GTPBP4: variants seen among roughly 807,000 people sequenced by gnomAD.
GTPBP4 encodes the protein GTP binding protein 4.
A neutral mutation model predicts 81.7 loss-of-function variants in GTPBP4; 15 were observed. The ratio of observed to expected loss-of-function variants is 0.18; its 90% CI spans 0.12 to 0.28. The LOEUF is 0.28. Among genes scored for constraint, GTPBP4 ranks in the 10% least tolerant of loss-of-function variants. The pLI, the probability that GTPBP4 is intolerant of heterozygous loss-of-function variation, is 1.00. For synonymous variants in GTPBP4, 272 were observed against 274.6 expected, an observed-to-expected ratio of 0.99 and a Z score of 0.09; for missense variants, 847 against 793.8, an observed-to-expected ratio of 1.07 and a Z score of -0.81.
Position 988,497 on chromosome 10 carries a change from C to T in GTPBP4, c.18C>T (p.Phe6=). Reference sequence around the variant, plus strand: ...CTGCCGGCATGGCACATTACAACTTCAAGAAAATTACGGTGGTGCCGTCCG... The same window carrying T: ...CTGCCGGCATGGCACATTACAACTTTAAGAAAATTACGGTGGTGCCGTCCG... MAHYN[F]KKITVVPSAK... Residue 6 remains phenylalanine, a synonymous_variant, in exon 1 of 17, where the codon TTC becomes TTT. Coordinates refer to ENST00000360803, the MANE Select transcript of GTPBP4 (RefSeq NM_012341.3). 1 of 1,613,342 alleles carries T rather than the reference C, an allele frequency of 6.2e-7. No individual in the cohort carries two copies.
chr10:1,012,365 G>T (rs1214723162), intron 13 of GTPBP4, 100 bp from the exon 14 acceptor site: 2 of 790,772 alleles, frequency 2.5e-6, no homozygotes, highest in African/African-American at 3.5e-5. Context: ...GCTCTCCTCT[G>T]AGTCAGGGAA....
rs935853611 is a variant in GTPBP4, at chr10:995,233, G to C, written c.220-696G>C. Among the ~76,000 whole-genome samples the C allele has an allele frequency of 2.7e-4, 41 of 152,326 alleles. 1 individual carries two copies. The highest frequency in any genetic ancestry group is 2.2e-3 in the Admixed American group (33 of 15,304). On this transcript the variant is annotated intron_variant, in intron 2 of 16. Coordinates refer to ENST00000360803, the MANE Select transcript of GTPBP4 (RefSeq NM_012341.3). The stretch of plus-strand genomic sequence containing the variant: ...GGAAGAAGGGTGCTGTGGGGAGCAT[G>C]AATGTTTGGGGTAGAGCTGTGAGCA...
intron 5 of GTPBP4, 71 bp downstream of exon 5, chr10:997,379 G>A (rs960305040): frequency 1.9e-5 from 17 of 876,764 alleles, no homozygotes; most frequent in East Asian, 7.2e-5. Context: ...TTCTGGCGGC[G>A]TGGGATTCAG....
Position 996,425 on chromosome 10 carries a change from C to G in GTPBP4, c.460+183C>G, listed in dbSNP as rs140919122. 1.8e-3 allele frequency: 769 copies of G among 436,528 alleles called. 13 individuals are homozygous for G. In the East Asian group the frequency reaches 0.026, roughly 15 times the overall value. 27.0% of individuals were successfully genotyped at this position (436,528 alleles called of 1,614,324 possible). ...TTATTGAAAATAAATACTTACAAATCAATAGCACTGATAAGAAAATTTATA... is the reference window on the plus strand; with the variant it reads ...TTATTGAAAATAAATACTTACAAATGAATAGCACTGATAAGAAAATTTATA... On this transcript the variant is annotated intron_variant, in intron 4 of 16. Coordinates refer to ENST00000360803, the MANE Select transcript of GTPBP4 (RefSeq NM_012341.3).
intron 10 of GTPBP4, among the ~76,000 whole-genome samples, chr10:1,007,633 G>T (rs984396830): frequency 6.6e-6 from 1 of 152,168 alleles, no homozygotes; most frequent in Non-Finnish European, 1.5e-5. Context: ...ACATCGTTAC[G>T]CTGTGTCTTC....
Position 1,019,855 on chromosome 10 carries a change from A to G in GTPBP4, c.*2628A>G, listed in dbSNP as rs2132181488. The stretch of plus-strand genomic sequence containing the variant: ...GAAATCTATTGACAGAAATTGGTGC[A>G]GTGTTAACAACGCTAATGTAAAACA... On this transcript the variant is annotated 3_prime_UTR_variant, in exon 17 of 17. Coordinates refer to ENST00000360803, the MANE Select transcript of GTPBP4 (RefSeq NM_012341.3). 1.3e-6 allele frequency: 2 copies of G among 1,542,488 alleles called. No homozygotes were observed. The highest frequency in any genetic ancestry group is 1.7e-4 in the Middle Eastern group (1 of 5,928).
chr10:998,413 T>A (rs979278769), intron 5 of GTPBP4, among the ~76,000 whole-genome samples: 1 of 152,212 alleles, frequency 6.6e-6, no homozygotes, highest in Non-Finnish European at 1.5e-5. Flanking sequence ...AGATCACTTT[T>A]GCTTTGAAAT....
At chr10:997,121 G>A in intron 4 of GTPBP4, 87 bp from the exon 5 acceptor site, 1 of 826,806 alleles carries the variant, frequency 1.2e-6, no homozygotes, top group Non-Finnish European at 2.1e-6. Context: ...ATCACCATAG[G>A]CCTGGACTGT....
At chr10:1,013,499 A>C (rs564920448) in intron 14 of GTPBP4, among the ~76,000 whole-genome samples, 1 of 151,738 alleles carries the variant, frequency 6.6e-6, no homozygotes, top group African/African-American at 2.4e-5. Flanking sequence ...AGTCCCAGCT[A>C]CTCGGGAGGC....
chr10:995,703 A>G (rs1429289784), intron 2 of GTPBP4, among the ~76,000 whole-genome samples: 1 of 152,130 alleles, frequency 6.6e-6, no homozygotes, highest in East Asian at 1.9e-4. Context: ...CAGCTCTACC[A>G]CTGCACTGAG....
chr10:996,286 A>C (rs1831537075), intron 4 of GTPBP4, 44 bp downstream of exon 4: 1 of 1,551,774 alleles, frequency 6.4e-7, no homozygotes, highest in African/African-American at 1.4e-5. Flanking sequence ...CATCCTGCTG[A>C]GAGGATGCGT....
In GTPBP4 at chr10:988,532, G is replaced by C. The variant is rs1831381863; in HGVS notation, c.48+5G>C. 2.5e-6 allele frequency: 4 copies of C among 1,610,130 alleles called. No individual in the cohort carries two copies. The highest frequency in any genetic ancestry group is 3.4e-6 in the Non-Finnish European group (4 of 1,177,388). The stretch of plus-strand genomic sequence containing the variant: ...ACGGTGGTGCCGTCCGCCAAGGTAG[G>C]CGGCCCCGGGAGGGCCACTGCAACT... On this transcript the variant is annotated splice_donor_5th_base_variant and intron_variant, in intron 1 of 16. Coordinates refer to ENST00000360803, the MANE Select transcript of GTPBP4 (RefSeq NM_012341.3).
At chr10:991,075 G>A (rs1449566047) in intron 1 of GTPBP4, among the ~76,000 whole-genome samples, 2 of 151,900 alleles carry the variant, frequency 1.3e-5, no homozygotes, top group Non-Finnish European at 2.9e-5. Flanking sequence ...GCCCCTTATA[G>A]TACTTGGCAG....
chr10:1,007,901 G>A (rs751008625), intron 10 of GTPBP4: 1 of 517,376 alleles, frequency 1.9e-6, no homozygotes, highest in African/African-American at 1.9e-5. Context: ...TCTTTAGGCT[G>A]TTTATCTTTT....
At chr10:1,006,253 A>G (rs1831729296) in intron 9 of GTPBP4, among the ~76,000 whole-genome samples, 1 of 152,246 alleles carries the variant, frequency 6.6e-6, no homozygotes, top group African/African-American at 2.4e-5. Flanking sequence ...AAGTCTGAAA[A>G]GCAGAACAGC....
Position 1,019,091 on chromosome 10 carries a change from A to C in GTPBP4, c.*1864A>C, listed in dbSNP as rs1349322702. On this transcript the variant is annotated 3_prime_UTR_variant, in exon 17 of 17. Coordinates refer to ENST00000360803, the MANE Select transcript of GTPBP4 (RefSeq NM_012341.3). ...CAGCCTTGTGTTGCACTCTGAAATAAGTGATTTAAAAAGAAAAACATGATA... is the reference window on the plus strand; with the variant it reads ...CAGCCTTGTGTTGCACTCTGAAATACGTGATTTAAAAAGAAAAACATGATA... The C allele has an allele frequency of 6.2e-6, 1 of 162,296 alleles. No individual in the cohort carries two copies. The highest frequency in any genetic ancestry group is 2.4e-5 in the African/African-American group (1 of 41,558). The allele number at this position is 162,296 out of a possible 1,614,324, so 10.1% of individuals were successfully genotyped here.
At position 1,019,287 on chromosome 10, in the gene GTPBP4, A is replaced by T; in HGVS notation, c.*2060A>T. On this transcript the variant is annotated 3_prime_UTR_variant, in exon 17 of 17. Transcript: ENST00000360803. ...TATAAAATGGAAATTGGGACAAAGGAAATGTTAAATTTCCTCCCTGCAACC... is the reference window on the plus strand; with the variant it reads ...TATAAAATGGAAATTGGGACAAAGGTAATGTTAAATTTCCTCCCTGCAACC... 2.0e-6 allele frequency: 1 copy of T among 496,576 alleles called. No individual in the cohort carries two copies. The highest frequency in any genetic ancestry group is 3.6e-6 in the Non-Finnish European group (1 of 278,880). The allele number at this position is 496,576 out of a possible 1,614,324, so 30.8% of individuals were successfully genotyped here. A position where few individuals can be genotyped will look rare whatever the true frequency, so the allele number is the denominator to read the frequency against.
chr10:995,086 A>G (rs1474592153), intron 2 of GTPBP4, among the ~76,000 whole-genome samples: 2 of 152,168 alleles, frequency 1.3e-5, no homozygotes, highest in African/African-American at 2.4e-5. Context: ...GTGGTAGTCA[A>G]GGGTCGAGTT....
rs772351092 is a variant in GTPBP4 at position 992,658 on chromosome 10, A to T, written c.218A>T (p.Asp73Val). 3.8e-6 allele frequency: 6 copies of T among 1,593,220 alleles called. No individual in the cohort carries two copies. Among genetic ancestry groups the T allele is most frequent in the Non-Finnish European group, 5.2e-6 (6 of 1,162,860 alleles). The change falls in exon 2 of 17, where the codon GAT becomes GTT. Residue 73 changes from aspartate to valine, a missense_variant and splice_region_variant. By Grantham distance (152) the Asp-to-Val change is radical. Around this residue, in one of 3 missense-constraint regions of GTPBP4, gnomAD observed 241 missense variants for 216.3 expected, o/e 1.11. Transcript: ENST00000360803. ...SQILTDFPKL[D>V]DIHPFYADLM... The stretch of plus-strand genomic sequence containing the variant: ...ATTCTAACAGATTTCCCCAAATTGG[A>T]TGTAAGTGACTTAGGGGACTTCTGT...
Sources: allele counts gnomAD v4.1 joint callset (sites outside exome capture counted in the v4.1 genomes callset), GRCh38; gene constraint gnomAD v4.1.1; regional missense constraint gnomAD v4.1.1; transcripts MANE v1.5; gene names NCBI Gene and HGNC (gene_info 2026-07-23, HGNC 2026-07-21).